The following ZMYM3 variants were observed in gnomAD, a reference collection of about 807,000 sequenced individuals.
ZMYM3 encodes zinc finger MYM-type containing 3, also known as zinc finger MYM-type protein 3.
Under a neutral mutation model 94.2 loss-of-function variants are expected in ZMYM3, and 6 were observed. The ratio of observed to expected loss-of-function variants is 0.06; its 90% CI spans 0.03 to 0.13. The LOEUF (loss-of-function observed/expected upper bound fraction) is 0.13, where lower values mean the gene tolerates loss of function less well. Ranked by LOEUF, ZMYM3 falls within the 10% of genes least tolerant of loss-of-function variation. The pLI is 1.00. For synonymous variants in ZMYM3, 420 were observed against 426.5 expected (o/e 0.98, Z 0.19); for missense variants, 664 against 1,132.6 (o/e 0.59, Z 5.94).
intron 3 of ZMYM3, 43 bp from the exon 4 acceptor site, chrX:71,251,287 G>T: frequency 8.9e-7 from 1 of 1,125,676 alleles, no homozygotes; most frequent in Non-Finnish European, 1.2e-6. Context: ...CTGACACCCT[G>T]GCCAGGCTAA....
Position 71,246,468 on chromosome X carries a change from T to TGGGGGGG in ZMYM3, c.2456_2457insCCCCCCC (p.Pro822ThrfsTer17). 3 of 115,360 alleles carry TGGGGGGG rather than the reference T, an allele frequency of 2.6e-5. No individual in the cohort carries two copies. Among genetic ancestry groups the TGGGGGGG allele is most frequent in the South Asian group, 3.3e-4 (2 of 6,021 alleles). 9.5% of individuals were successfully genotyped at this position (115,360 alleles called of 1,213,427 possible). On this transcript the variant is annotated frameshift_variant, in exon 15 of 25. Coordinates refer to ENST00000314425, the MANE Select transcript of ZMYM3 (RefSeq NM_201599.3). LOFTEE classifies it high-confidence loss of function. The stretch of plus-strand genomic sequence containing the variant: ...GGGGTGTTGCTGGGGGTGGTGGGGG[T>TGGGGGGG]GGAGGGGTGGGAGCAGTGGGAGCTG...
Position 71,247,725 on chromosome X carries a change from C to T in ZMYM3, c.2148+9G>A, listed in dbSNP as rs1001848982. 1 of 1,205,071 alleles carries T rather than the reference C, an allele frequency of 8.3e-7. No individual in the cohort carries two copies. Among genetic ancestry groups the T allele is most frequent in the African/African-American group, 1.7e-5 (1 of 57,172 alleles). On this transcript the variant is annotated intron_variant, in intron 12 of 24. Transcript: ENST00000314425. ...TTTCCCGCCTCGCTCGCATGCTGAC[C>T]CTCCTTACCTTGCAGTACCACAGCA...
In ZMYM3 at chrX:71,246,611, T is replaced by G; in HGVS notation, c.2396A>C (p.Asn799Thr). 8.3e-7 allele frequency: 1 copy of G among 1,211,228 alleles called. No individual in the cohort carries two copies. The highest frequency in any genetic ancestry group is 1.1e-6 in the Non-Finnish European group (1 of 895,251). Reference sequence around the variant, plus strand: ...TGCCCCGACCTTGCCCAAATTCCCATTTTCCTCTGGGGTCCTCACTGTGTT... The same window carrying G: ...TGCCCCGACCTTGCCCAAATTCCCAGTTTCCTCTGGGGTCCTCACTGTGTT... ...NSNTVRTPEENGNLGKIPVKT... is the reference protein window; with the variant it reads ...NSNTVRTPEETGNLGKIPVKT... The change falls in exon 14 of 25, where the codon AAT (asparagine) becomes ACT (threonine). Residue 799 changes from asparagine (N) to threonine (T), a missense_variant. Coordinates refer to ENST00000314425, the MANE Select transcript of ZMYM3 (RefSeq NM_201599.3).
rs762426225 is a variant in ZMYM3, at chrX:71,247,554, C to T, written c.2149-44G>A. ...TGGTCAGACCTGCCTCCCTAAAATG[C>T]GTTGGGCCCTTTCTTTCCCCCGGGA... is the stretch of plus-strand genomic sequence containing the variant. On this transcript the variant is annotated intron_variant, in intron 12 of 24. Transcript: ENST00000314425. The T allele has an allele frequency of 8.5e-6, 10 of 1,181,572 alleles. No homozygotes were observed. In the South Asian group the frequency reaches 1.1e-4, roughly 13 times the overall value.
Position 71,254,104 on chromosome X carries a change from C to T in ZMYM3, c.-95G>A, listed in dbSNP as rs1257638164. 9.0e-6 allele frequency: 1 copy of T among 111,693 alleles called. No individual in the cohort carries two copies. Among genetic ancestry groups the T allele is most frequent in the Non-Finnish European group, 1.9e-5 (1 of 53,037 alleles). The allele number at this position is 111,693 out of a possible 1,213,427, so 9.2% of individuals were successfully genotyped here. A position where few individuals can be genotyped will look rare whatever the true frequency, so the allele number is the denominator to read the frequency against. On this transcript the variant is annotated 5_prime_UTR_variant, in exon 1 of 25. Transcript: ENST00000314425. The stretch of plus-strand genomic sequence containing the variant: ...CGGCCCCGCGCTCCTTCTCTACCTC[C>T]CTCCCTAGCAGCCGGGACAGGGGTC...
In ZMYM3 at chrX:71,248,782, G is replaced by C. The variant is rs1054977312; in HGVS notation, c.1641C>G (p.Ser547Arg). ...AGLTGPPRPC[S>R]FCRRSLSDPC... ...GGTCAGAGAGGCTGCGGCGGCAGAA[G>C]CTGCAGGGTCGGGGAGGGCCTGGGG... is the stretch of plus-strand genomic sequence containing the variant. Residue 547 changes from serine (S) to arginine (R), a missense_variant, in exon 9 of 25, where the codon AGC becomes AGG. Transcript: ENST00000314425. 1 of 1,204,094 alleles carries C rather than the reference G, an allele frequency of 8.3e-7. No homozygotes were observed. The highest frequency in any genetic ancestry group is 1.1e-6 in the Non-Finnish European group (1 of 892,301).
In ZMYM3 at chrX:71,249,498, C is replaced by T. The variant is rs773126141; in HGVS notation, c.1433G>A (p.Arg478Gln). 3 of 1,200,900 alleles carry T rather than the reference C, an allele frequency of 2.5e-6. No individual in the cohort carries two copies. Among genetic ancestry groups the T allele is most frequent in the South Asian group, 3.6e-5 (2 of 55,255 alleles). ...CCCCAAGCAGGTTGTGTTGCAGAAC[C>T]GCTTTTGTTGGCCCTCGTGGAAGAG... ...ELLFHEGQQKRFCNTTCLGAY... is the reference protein window; with the variant it reads ...ELLFHEGQQKQFCNTTCLGAY... The change falls in exon 7 of 25, where the codon CGG becomes CAG. Residue 478 changes from arginine (R) to glutamine (Q), a missense_variant. Transcript: ENST00000314425.
intron 18 of ZMYM3, among the ~76,000 whole-genome samples, chrX:71,245,117 G>T (rs1602360022): frequency 4.9e-5 from 3 of 60,780 alleles, no homozygotes; most frequent in South Asian, 1.0e-3. Context: ...TTTTTTTTCA[G>T]CTTAAAAATT....
Position 71,250,115 on chromosome X carries a change from G to A in ZMYM3, c.1162C>T (p.Leu388=), listed in dbSNP as rs776070569. ...GGGCGCTGCTGCTGGGCCTCATACA[G>A]GGAGAGACAGACGGATGTGCAGAAC... ...HEFCTSVCLS[L]YEAQQQRPIP... The change falls in exon 6 of 25, where the codon CTG becomes TTG. Residue 388 remains leucine (L), a synonymous_variant. Coordinates refer to ENST00000314425, the MANE Select transcript of ZMYM3 (RefSeq NM_201599.3). The A allele has an allele frequency of 3.2e-5, 39 of 1,207,460 alleles. No individual in the cohort carries two copies. Among genetic ancestry groups the A allele is most frequent in the Non-Finnish European group, 4.4e-5 (39 of 894,045 alleles).
At chrX:71,251,625 C>G in intron 2 of ZMYM3, 24 bp from the exon 3 acceptor site, 2 of 1,176,234 alleles carry the variant, frequency 1.7e-6, no homozygotes, top group Non-Finnish European at 2.3e-6. Flanking sequence ...AGAAGGCAGC[C>G]TAAATGTTGA....
Position 71,240,475 on chromosome X carries a change from T to C in ZMYM3, c.*441A>G, listed in dbSNP as rs1399089295. 8.4e-6 allele frequency: 1 copy of C among 118,637 alleles called. No individual in the cohort carries two copies. The highest frequency in any genetic ancestry group is 1.7e-5 in the Non-Finnish European group (1 of 58,185). The allele number at this position is 118,637 out of a possible 1,213,427, so 9.8% of individuals were successfully genotyped here. ...CTTTTGGCATGGTGCTGGGGAAGAG[T>C]AGAGAAGGGAGTGGGCACAGGGCAG... is the stretch of plus-strand genomic sequence containing the variant. On this transcript the variant is annotated 3_prime_UTR_variant, in exon 25 of 25. Coordinates refer to ENST00000314425, the MANE Select transcript of ZMYM3 (RefSeq NM_201599.3).
In ZMYM3 at chrX:71,254,083, C is replaced by T. The variant is rs2148003998; in HGVS notation, c.-74G>A. The T allele has an allele frequency of 9.0e-6, 1 of 111,423 alleles. No homozygotes were observed. The highest frequency in any genetic ancestry group is 9.4e-5 in the Admixed American group (1 of 10,606). 9.2% of individuals were successfully genotyped at this position (111,423 alleles called of 1,213,427 possible). On this transcript the variant is annotated 5_prime_UTR_variant, in exon 1 of 25. Coordinates refer to ENST00000314425, the MANE Select transcript of ZMYM3 (RefSeq NM_201599.3). The stretch of plus-strand genomic sequence containing the variant: ...GCCTAGAACTGCAGACAGCGACGGC[C>T]CCGCGCTCCTTCTCTACCTCCCTCC...
At chrX:71,245,205 T>TC in intron 18 of ZMYM3, 134 bp downstream of exon 18, 2 of 783,639 alleles carry the variant, frequency 2.6e-6, no homozygotes, top group African/African-American at 4.4e-5. Flanking sequence ...CTGGCACTGC[T>TC]CCCTGTGAGA....
rs2029888347 is a variant in ZMYM3, at chrX:71,239,934, G to C, written c.*982C>G. On this transcript the variant is annotated 3_prime_UTR_variant, in exon 25 of 25. Coordinates refer to ENST00000314425, the MANE Select transcript of ZMYM3 (RefSeq NM_201599.3). ...GATGTAGGCAGTGGCGGCAGGCCCT[G>C]CGCCCACAGCTCCTCGCCTGTCCTT... 8.9e-6 allele frequency: 1 copy of C among 112,850 alleles called. No individual in the cohort carries two copies. Among genetic ancestry groups the C allele is most frequent in the Admixed American group, 9.4e-5 (1 of 10,660 alleles). 9.3% of individuals were successfully genotyped at this position (112,850 alleles called of 1,213,427 possible). A position where few individuals can be genotyped will look rare whatever the true frequency, so the allele number is the denominator to read the frequency against.
intron 3 of ZMYM3, 151 bp downstream of exon 3, chrX:71,251,407 C>T: frequency 2.1e-6 from 2 of 942,722 alleles, no homozygotes; most frequent in Non-Finnish European, 2.9e-6. Flanking sequence ...GACTTTCTCC[C>T]CAACAAGCAG....
intron 13 of ZMYM3, among the ~76,000 whole-genome samples, chrX:71,246,894 A>G (rs2030204288): frequency 8.9e-6 from 1 of 111,735 alleles, no homozygotes; most frequent in African/African-American, 3.3e-5. Flanking sequence ...CTGGAGAATG[A>G]AACATTACAT....
intron 4 of ZMYM3, among the ~76,000 whole-genome samples, chrX:71,250,930 C>G (rs55634115): frequency 4.5e-5 from 5 of 111,217 alleles, no homozygotes; most frequent in Non-Finnish European, 9.4e-5. Flanking sequence ...GGGAGAGGCT[C>G]TAAATGAGAA....
chrX:71,241,219 C>G lies in ZMYM3; in HGVS notation c.3920+8G>C. 8.4e-7 allele frequency: 1 copy of G among 1,196,729 alleles called. No homozygotes were observed. The highest frequency in any genetic ancestry group is 1.1e-6 in the Non-Finnish European group (1 of 885,029). On this transcript the variant is annotated splice_region_variant and intron_variant, in intron 24 of 24. Coordinates refer to ENST00000314425, the MANE Select transcript of ZMYM3 (RefSeq NM_201599.3). ...GCTAACGCTTTTCCTGCCAACCCAC[C>G]AACTCACCATTTTGAGAGATAGAAT...
At chrX:71,245,611 G>A (rs188954281) in intron 17 of ZMYM3, 57 bp downstream of exon 17, 191 of 1,177,634 alleles carry the variant, frequency 1.6e-4, no homozygotes, top group Non-Finnish European at 2.0e-4. Flanking sequence ...CCACCCCCTC[G>A]GGCAGAGACA....
Sources: allele counts gnomAD v4.1 joint callset (sites outside exome capture counted in the v4.1 genomes callset), GRCh38; gene constraint gnomAD v4.1.1; transcripts MANE v1.5; gene names NCBI Gene and HGNC (gene_info 2026-07-23, HGNC 2026-07-21).